HTT: variants seen among roughly 807,000 people sequenced by gnomAD.
HTT encodes huntington disease protein.
A neutral mutation model predicts 362.3 loss-of-function variants in HTT; 104 were observed. That is an observed-to-expected ratio of 0.29 (90% CI 0.24 to 0.34). The LOEUF (loss-of-function observed/expected upper bound fraction) is 0.34, where lower values mean the gene tolerates loss of function less well. Ranked by LOEUF, HTT falls within the 10% of genes least tolerant of loss-of-function variation. The pLI is 1.00. For synonymous variants in HTT, 1,577 were observed against 1,548.7 expected, an observed-to-expected ratio of 1.02 and a Z score of -0.43; for missense variants, 3,301 against 3,928.6, an observed-to-expected ratio of 0.84 and a Z score of 4.27.
intron 40 of HTT, among the ~76,000 whole-genome samples, chr4:3,196,960 C>T (rs1209967711): frequency 3.3e-5 from 5 of 152,160 alleles, no homozygotes; most frequent in African/African-American, 4.8e-5. Flanking sequence ...TTGTTTCCCT[C>T]TTGTTTCTCA....
chr4:3,239,015 C>A, intron 66 of HTT, 37 bp downstream of exon 66: 1 of 1,569,448 alleles, frequency 6.4e-7, no homozygotes. Flanking sequence ...GCCCCGTTTC[C>A]CTTGTCAACA....
At chr4:3,131,859 AG>A in intron 16 of HTT, 84 bp downstream of exon 16, 5 of 1,349,318 alleles carry the variant, frequency 3.7e-6, no homozygotes, top group Non-Finnish European at 5.2e-6. Flanking sequence ...TTAGTTTTAG[AG>A]CAGTAAGTGT....
Position 3,229,645 on chromosome 4 carries a change from A to G in HTT, c.8110-242A>G, listed in dbSNP as rs370244989. ...CACCACGCACACACACCACATGCGC[A>G]CACACACACCACATACGCCACATGT... On this transcript the variant is annotated intron_variant, in intron 59 of 66. Coordinates refer to ENST00000355072, the MANE Select transcript of HTT (RefSeq NM_001388492.1). Among the ~76,000 whole-genome samples the G allele has an allele frequency of 2.3e-4, 35 of 151,836 alleles. No individual in the cohort carries two copies. The East Asian group carries it at 4.6e-3, about 20-fold the overall frequency.
chr4:3,183,207 T>C (rs1718609296), intron 37 of HTT, among the ~76,000 whole-genome samples: 1 of 152,228 alleles, frequency 6.6e-6, no homozygotes, highest in African/African-American at 2.4e-5. Flanking sequence ...AGAATTTCTA[T>C]GATCAAATGA....
chr4:3,122,915 G>A lies in HTT; in HGVS notation c.1300G>A (p.Val434Ile), dbSNP rs1390736918. 3.7e-6 allele frequency: 6 copies of A among 1,611,610 alleles called. No homozygotes were observed. The highest frequency in any genetic ancestry group is 1.6e-4 in the Middle Eastern group (1 of 6,072). The change falls in exon 10 of 67, where the codon GTC becomes ATC. Residue 434 changes from valine (V) to isoleucine (I), a missense_variant. Transcript: ENST00000355072. ...IAGGGSSCSP[V>I]LSRKQKGKVL... ...TGGAGGGGGTTCCTCATGCAGCCCT[G>A]TCCTTTCAAGAAAACAAAAAGGTGA... is the stretch of plus-strand genomic sequence containing the variant.
rs992627252 is a variant in HTT at position 3,159,861 on chromosome 4, C to A, written c.3754-421C>A. 6.6e-5 allele frequency among the ~76,000 whole-genome samples: 10 copies of A among 152,076 alleles called. 1 individual carries two copies. The highest frequency in any genetic ancestry group is 3.3e-4 in the Admixed American group (5 of 15,260). ...ACCTGATTTAATATTTTATTGTATC[C>A]AAATTGAACCAACCCTATGTGAATT... On this transcript the variant is annotated intron_variant, in intron 28 of 66. Coordinates refer to ENST00000355072, the MANE Select transcript of HTT (RefSeq NM_001388492.1).
Position 3,240,672 on chromosome 4 carries a change from C to T in HTT, c.*613C>T, listed in dbSNP as rs1721763900. ...AATTTTAACGTAACTCTTTCTATGC[C>T]CGTGTAAAGTATGTGAATCGCAAGG... On this transcript the variant is annotated 3_prime_UTR_variant, in exon 67 of 67. Transcript: ENST00000355072. 1 of 155,126 alleles carries T rather than the reference C, an allele frequency of 6.4e-6. No individual in the cohort carries two copies. The highest frequency in any genetic ancestry group is 2.4e-5 in the African/African-American group (1 of 41,438). The allele number at this position is 155,126 out of a possible 1,614,324, so 9.6% of individuals were successfully genotyped here.
chr4:3,124,080 TATA>T (rs1327612485), intron 10 of HTT, among the ~76,000 whole-genome samples: 3 of 152,254 alleles, frequency 2.0e-5, no homozygotes. Flanking sequence ...ACTTGGAATC[TATA>T]ATATTTGCGT....
chr4:3,216,384 G>A (rs1403758012), intron 51 of HTT, among the ~76,000 whole-genome samples: 1 of 152,216 alleles, frequency 6.6e-6, no homozygotes, highest in East Asian at 1.9e-4. Flanking sequence ...CAGCCGAGTG[G>A]CACCTCAGGC....
chr4:3,176,727 A>G (rs1344310064), intron 33 of HTT, among the ~76,000 whole-genome samples: 1 of 152,254 alleles, frequency 6.6e-6, no homozygotes, highest in Non-Finnish European at 1.5e-5. Context: ...GAACAAGAAT[A>G]GAACACTAGA....
At chr4:3,153,408 G>A (rs1190634048) in intron 26 of HTT, among the ~76,000 whole-genome samples, 2 of 152,180 alleles carry the variant, frequency 1.3e-5, no homozygotes, top group Admixed American at 6.6e-5. Context: ...AATTCCACAT[G>A]TCAGTCATCT....
At position 3,147,434 on chromosome 4, in the gene HTT, G is replaced by A. The variant is rs1023034369; in HGVS notation, c.3295+486G>A. Among the ~76,000 whole-genome samples, 4 of 152,172 alleles carry A rather than the reference G, an allele frequency of 2.6e-5. No homozygotes were observed. In the East Asian group the frequency reaches 5.8e-4, roughly 22 times the overall value. ...GTAGCACCTTGGCGATGATAATGGA[G>A]GATGTGGCCAGCAAGGAAGACGGAG... is the stretch of plus-strand genomic sequence containing the variant. On this transcript the variant is annotated intron_variant, in intron 25 of 66. Transcript: ENST00000355072.
At chr4:3,224,168 T>C in intron 56 of HTT, 37 bp downstream of exon 56, 1 of 1,610,680 alleles carries the variant, frequency 6.2e-7, no homozygotes. Flanking sequence ...GCGGTTGTAC[T>C]TGGGCTAGAA....
At chr4:3,153,603 T>G (rs1006247831) in intron 26 of HTT, among the ~76,000 whole-genome samples, 2 of 152,214 alleles carry the variant, frequency 1.3e-5, no homozygotes, top group African/African-American at 4.8e-5. Context: ...CTGAGCCTGT[T>G]TCCTCTTTTA....
intron 16 of HTT, 114 bp downstream of exon 16, chr4:3,131,889 A>G: frequency 1.0e-6 from 1 of 982,428 alleles, no homozygotes; most frequent in Non-Finnish European, 1.5e-6. Context: ...CATTTGGGAT[A>G]TTTGACCTGC....
intron 14 of HTT, 64 bp downstream of exon 14, chr4:3,130,487 C>A: frequency 1.2e-6 from 1 of 851,590 alleles, no homozygotes; most frequent in Non-Finnish European, 1.9e-6. Context: ...TAAAATCGCC[C>A]TGGCTACTGT....
chr4:3,104,989 C>T (rs1421276369), intron 4 of HTT, among the ~76,000 whole-genome samples: 1 of 152,196 alleles, frequency 6.6e-6, no homozygotes, highest in African/African-American at 2.4e-5. Flanking sequence ...CTGTCGAATA[C>T]CAGGTCTTGG....
chr4:3,217,001 G>A (rs1001755037), intron 51 of HTT, among the ~76,000 whole-genome samples: 2 of 151,316 alleles, frequency 1.3e-5, no homozygotes, highest in African/African-American at 4.9e-5. Context: ...CTCCAGCCTG[G>A]GCGACAGAGC....
At chr4:3,132,217 CT>C (rs1342566892) in intron 16 of HTT, among the ~76,000 whole-genome samples, 1 of 152,064 alleles carries the variant, frequency 6.6e-6, no homozygotes, top group Non-Finnish European at 1.5e-5. Context: ...AGAGGGTACA[CT>C]TGTGTTTTTG....
Sources: gnomAD v4.1 joint callset for allele counts (sites outside exome capture counted in the v4.1 genomes callset) on GRCh38, gnomAD v4.1.1 for gene constraint, MANE v1.5 for transcripts, NCBI Gene and HGNC (gene_info 2026-07-23, HGNC 2026-07-21) for gene names.